The following CNIH3 variants were observed in gnomAD, a reference collection of about 807,000 sequenced individuals.
CNIH3 encodes protein cornichon homolog 3.
CNIH3 carries 14 observed loss-of-function variants against 24.1 expected under a neutral mutation model. The ratio of observed to expected loss-of-function variants is 0.58; its 90% CI spans 0.38 to 0.91. The LOEUF (loss-of-function observed/expected upper bound fraction) is 0.91. Ranked by LOEUF, CNIH3 falls within the 40% of genes least tolerant of loss-of-function variation. CNIH3 has a pLI of 0.00. For synonymous variants in CNIH3, 68 were observed against 73.8 expected (o/e 0.92, Z 0.40); for missense variants, 178 against 196.8 (o/e 0.90, Z 0.57).
chr1:224,681,064 C>T (rs377760054), intron 2 of CNIH3, 38 bp downstream of exon 2: 68 of 1,540,802 alleles, frequency 4.4e-5, no homozygotes, highest in Non-Finnish European at 6.0e-5. Context: ...GGTGCTATCA[C>T]CCCAGGCTAC....
chr1:224,534,789 T>C (rs1679217199), intron 2 of CNIH3, among the ~76,000 whole-genome samples: 1 of 152,170 alleles, frequency 6.6e-6, no homozygotes, highest in African/African-American at 2.4e-5. Context: ...ACTTGACACA[T>C]TACTTTCCTC....
intron 3 of CNIH3, among the ~76,000 whole-genome samples, chr1:224,689,644 G>T (rs149114098): frequency 1.3e-5 from 2 of 152,270 alleles, no homozygotes; most frequent in African/African-American, 2.4e-5. Flanking sequence ...CACCTTCCAA[G>T]AATTTCTTGG....
intron 3 of CNIH3, among the ~76,000 whole-genome samples, chr1:224,692,174 C>T (rs998163380): frequency 1.3e-5 from 2 of 152,094 alleles, no homozygotes; most frequent in Non-Finnish European, 2.9e-5. Flanking sequence ...CGGTGGTGCA[C>T]ATCTGTAGTC....
intron 1 of CNIH3, among the ~76,000 whole-genome samples, chr1:224,510,367 C>T (rs1448747986): frequency 6.6e-6 from 1 of 152,014 alleles, no homozygotes; most frequent in Non-Finnish European, 1.5e-5. Flanking sequence ...AAAACGATCA[C>T]TATCAGCAGT....
intron 1 of CNIH3, among the ~76,000 whole-genome samples, chr1:224,631,104 G>A (rs1462211841): frequency 1.3e-5 from 2 of 151,992 alleles, no homozygotes; most frequent in Admixed American, 1.3e-4. Context: ...GGTTGGTTGC[G>A]GTGAGCTGAG....
chr1:224,534,087 C>G (rs900660158), intron 2 of CNIH3, among the ~76,000 whole-genome samples: 5 of 152,188 alleles, frequency 3.3e-5, no homozygotes, highest in Admixed American at 6.5e-5. Context: ...ATTGCTTGAG[C>G]CTCGGAGGTT....
chr1:224,587,513 G>A (rs764440857), intron 5 of CNIH3: 1 of 152,234 alleles, frequency 6.6e-6, no homozygotes, highest in Non-Finnish European at 1.5e-5. Flanking sequence ...ACACCTGATA[G>A]AGAATTTGAC....
chr1:224,460,839 G>A (rs190445818), intron 1 of CNIH3, among the ~76,000 whole-genome samples: 19 of 151,098 alleles, frequency 1.3e-4, no homozygotes, highest in African/African-American at 4.1e-4. Context: ...GCGTGACTAT[G>A]GCTCACTATG....
At chr1:224,627,776 G>A (rs1438929302) in intron 1 of CNIH3, among the ~76,000 whole-genome samples, 3 of 152,198 alleles carry the variant, frequency 2.0e-5, no homozygotes, top group East Asian at 1.9e-4. Flanking sequence ...CCGGGGTGCT[G>A]TTGTCAGAGG....
chr1:224,455,652 C>T (rs977155061), intron 1 of CNIH3, among the ~76,000 whole-genome samples: 18 of 152,094 alleles, frequency 1.2e-4, no homozygotes, highest in Admixed American at 5.9e-4. Context: ...CTTAGTCTGA[C>T]CCTACTCAGG....
chr1:224,445,224 GTTTTC>G (rs1430759571), intron 1 of CNIH3, among the ~76,000 whole-genome samples: 8 of 152,032 alleles, frequency 5.3e-5, no homozygotes, highest in African/African-American at 1.4e-4. Flanking sequence ...CTATTTGGAT[GTTTTC>G]TTTTGTGAAG....
chr1:224,451,748 G>T (rs1358496357), intron 1 of CNIH3, among the ~76,000 whole-genome samples: 1 of 152,168 alleles, frequency 6.6e-6, no homozygotes, highest in Non-Finnish European at 1.5e-5. Context: ...AACAGTCTTG[G>T]CTCCCTGACT....
chr1:224,461,661 A>G (rs1282714228), intron 1 of CNIH3, among the ~76,000 whole-genome samples: 1 of 152,242 alleles, frequency 6.6e-6, no homozygotes, highest in African/African-American at 2.4e-5. Flanking sequence ...AACATACTAC[A>G]AAATTCACCC....
chr1:224,511,744 T>C (rs565955256), upstream of CNIH3, among the ~76,000 whole-genome samples: 12 of 152,226 alleles, frequency 7.9e-5, no homozygotes, highest in African/African-American at 2.9e-4. Flanking sequence ...GTCCCAGTTA[T>C]TCAGGAGGCT....
intron 5 of CNIH3, 29 bp from the exon 6 acceptor site, chr1:224,739,300 T>C (rs1689754413): frequency 6.3e-6 from 5 of 792,620 alleles, no homozygotes; most frequent in African/African-American, 6.0e-5. Context: ...CCTCTCTTTT[T>C]TTTTTTTTTT....
chr1:224,472,884 G>A (rs1375942630), intron 1 of CNIH3, among the ~76,000 whole-genome samples: 1 of 152,054 alleles, frequency 6.6e-6, no homozygotes. Context: ...ATTTATAATG[G>A]GTATCTCAGA....
intron 1 of CNIH3, among the ~76,000 whole-genome samples, chr1:224,449,958 T>C (rs1284797512): frequency 6.6e-6 from 1 of 151,786 alleles, no homozygotes; most frequent in Non-Finnish European, 1.5e-5. Flanking sequence ...ATTCATTCTT[T>C]CAACACACAC....
At chr1:224,736,928 CAACCCT>C (rs1689621181) in intron 5 of CNIH3, among the ~76,000 whole-genome samples, 1 of 152,186 alleles carries the variant, frequency 6.6e-6, no homozygotes, top group African/African-American at 2.4e-5. Flanking sequence ...GCAGTGTGCT[CAACCCT>C]GCTTTCTTTG....
intron 1 of CNIH3, among the ~76,000 whole-genome samples, chr1:224,670,470 C>A (rs1011970636): frequency 6.6e-6 from 1 of 152,126 alleles, no homozygotes; most frequent in African/African-American, 2.4e-5. Context: ...TATGGGTAGC[C>A]CACAGCACAG....
Sources: allele counts gnomAD v4.1 joint callset (sites outside exome capture counted in the v4.1 genomes callset), GRCh38; gene constraint gnomAD v4.1.1; transcripts MANE v1.5; gene names NCBI Gene and HGNC (gene_info 2026-07-23, HGNC 2026-07-21).